The following CLEC19A variants were observed in gnomAD, a reference collection of about 807,000 sequenced individuals.
The protein encoded by CLEC19A is C-type lectin domain family 19 member A.
A neutral mutation model predicts 26.1 loss-of-function variants in CLEC19A; 21 were observed. The observed-to-expected ratio is 0.80, with a 90% CI of 0.57 to 1.16. The LOEUF (loss-of-function observed/expected upper bound fraction) is 1.16, where lower values mean the gene tolerates loss of function less well. CLEC19A is among the 50% of genes most tolerant of loss of function. CLEC19A has a pLI of 0.00. For synonymous variants in CLEC19A, 89 were observed against 88.6 expected, an observed-to-expected ratio of 1.00 and a Z score of -0.03; for missense variants, 224 against 227.6, an observed-to-expected ratio of 0.98 and a Z score of 0.10.
Position 19,298,763 on chromosome 16 carries a change from C to T in CLEC19A, c.179C>T (p.Thr60Ile). 6.4e-7 allele frequency: 1 copy of T among 1,550,850 alleles called. No homozygotes were observed. The highest frequency in any genetic ancestry group is 1.4e-5 in the African/African-American group (1 of 73,082). ...HCYRFFPLNK[T>I]WAEADLYCSE... ...TATCGATTCTTCCCTCTCAATAAGA[C>T]CTGGGCTGAGGCCGACCTCTACTGT... Residue 60 changes from threonine to isoleucine, a missense_variant, in exon 2 of 5, where the codon ACC (threonine) becomes ATC (isoleucine). Thr to Ile is a moderately conservative substitution (Grantham distance 89, BLOSUM62 -1). Transcript: ENST00000636231.
intron 1 of CLEC19A, among the ~76,000 whole-genome samples, chr16:19,293,270 A>G (rs1241979600): frequency 1.3e-5 from 2 of 152,198 alleles, no homozygotes; most frequent in African/African-American, 2.4e-5. Context: ...GGTAGAGTCA[A>G]TGTAACAGAC....
rs767351080 is a variant in CLEC19A, at chr16:19,307,598, T to G, written c.402T>G (p.Asp134Glu). The change falls in exon 4 of 5, where the codon GAT (aspartate) becomes GAG (glutamate). Residue 134 changes from aspartate (D) to glutamate (E), a missense_variant. Asp to Glu is a conservative substitution (Grantham distance 45). Coordinates refer to ENST00000636231, the MANE Select transcript of CLEC19A (RefSeq NM_001256720.2). ...CATCCTATGACTACAGCTACTGGGATGGCAGCCAGCCAGATGATGGCGTCC... is the reference window on the plus strand; with the variant it reads ...CATCCTATGACTACAGCTACTGGGAGGGCAGCCAGCCAGATGATGGCGTCC... ...DGSSYDYSYW[D>E]GSQPDDGVHA... The G allele has an allele frequency of 3.9e-6, 6 of 1,548,340 alleles. No individual in the cohort carries two copies. The highest frequency in any genetic ancestry group is 5.2e-6 in the Non-Finnish European group (6 of 1,146,808).
intron 1 of CLEC19A, among the ~76,000 whole-genome samples, chr16:19,287,699 G>A (rs1897502225): frequency 6.6e-6 from 1 of 152,202 alleles, no homozygotes; most frequent in South Asian, 2.1e-4. Flanking sequence ...TCACTAGCTT[G>A]TGCCCATGGG....
At chr16:19,298,224 A>G (rs1199295554) in intron 1 of CLEC19A, among the ~76,000 whole-genome samples, 1 of 142,754 alleles carries the variant, frequency 7.0e-6, no homozygotes, top group African/African-American at 2.6e-5. Flanking sequence ...CCTGGGCAAC[A>G]TGAGCAAAAA....
At chr16:19,305,874 C>T (rs1308284977) in intron 3 of CLEC19A, among the ~76,000 whole-genome samples, 2 of 151,790 alleles carry the variant, frequency 1.3e-5, no homozygotes, top group Admixed American at 6.6e-5. Context: ...GATGGAATCT[C>T]GCTCTGTCGC....
At chr16:19,308,082 G>A (rs1897994519) in intron 4 of CLEC19A, among the ~76,000 whole-genome samples, 1 of 152,202 alleles carries the variant, frequency 6.6e-6, no homozygotes, top group African/African-American at 2.4e-5. Context: ...GAGGGTGTGG[G>A]TAGTGAGAAG....
Position 19,307,775 on chromosome 16 carries a change from T to A in CLEC19A, c.481+98T>A. On this transcript the variant is annotated intron_variant, in intron 4 of 4. Transcript: ENST00000636231. The stretch of plus-strand genomic sequence containing the variant: ...GCCTTGGGGGAAGAGGAGCACCTGA[T>A]GGCCTGAGACTGGCAAATTGTTCAG... The A allele has an allele frequency of 2.0e-6, 3 of 1,477,618 alleles. No homozygotes were observed. The South Asian group carries it at 3.8e-5, about 19-fold the overall frequency. The allele number at this position is 1,477,618 out of a possible 1,614,324, so 91.5% of individuals were successfully genotyped here. A position where few individuals can be genotyped will look rare whatever the true frequency, so the allele number is the denominator to read the frequency against.
intron 4 of CLEC19A, 28 bp from the exon 5 acceptor site, chr16:19,308,976 C>G (rs955818956): frequency 1.9e-6 from 3 of 1,540,128 alleles, no homozygotes; most frequent in Non-Finnish European, 2.6e-6. Context: ...GGATTTTCAC[C>G]CAGATTCTCT....
At chr16:19,300,152 G>A (rs900825212) in intron 2 of CLEC19A, among the ~76,000 whole-genome samples, 2 of 151,480 alleles carry the variant, frequency 1.3e-5, no homozygotes, top group African/African-American at 4.8e-5. Flanking sequence ...TGAACCCAGG[G>A]GGCAGAAGTT....
chr16:19,288,053 G>A (rs1897509347), intron 1 of CLEC19A, among the ~76,000 whole-genome samples: 1 of 152,132 alleles, frequency 6.6e-6, no homozygotes, highest in African/African-American at 2.4e-5. Context: ...TTTGGAAATG[G>A]AAGGATGGGT....
intron 1 of CLEC19A, among the ~76,000 whole-genome samples, chr16:19,297,303 T>C (rs1188821930): frequency 6.6e-6 from 1 of 152,214 alleles, no homozygotes; most frequent in Non-Finnish European, 1.5e-5. Context: ...AGTCCAGCAT[T>C]GCAAATTGAA....
chr16:19,300,066 A>G (rs1392522267), intron 2 of CLEC19A, among the ~76,000 whole-genome samples: 2 of 152,050 alleles, frequency 1.3e-5, no homozygotes, highest in African/African-American at 4.8e-5. Context: ...TCTACTAAAA[A>G]TACAAAAATT....
intron 2 of CLEC19A, among the ~76,000 whole-genome samples, chr16:19,299,273 A>T (rs921148103): frequency 1.3e-5 from 2 of 152,234 alleles, no homozygotes; most frequent in Non-Finnish European, 2.9e-5. Context: ...AGAATATGAG[A>T]AATCATAACT....
chr16:19,298,790 C>T lies in CLEC19A; in HGVS notation c.206C>T (p.Ser69Phe), dbSNP rs868058184. The T allele has an allele frequency of 9.0e-6, 14 of 1,550,720 alleles. No individual in the cohort carries two copies. The Middle Eastern group carries it at 1.7e-3, about 185-fold the overall frequency. Residue 69 changes from serine (S) to phenylalanine (F), a missense_variant, in exon 2 of 5, where the codon TCT (serine) becomes TTT (phenylalanine). Physicochemically the swap from Ser to Phe is radical, Grantham distance 155. Coordinates refer to ENST00000636231, the MANE Select transcript of CLEC19A (RefSeq NM_001256720.2). The stretch of plus-strand genomic sequence containing the variant: ...TGGGCTGAGGCCGACCTCTACTGTT[C>T]TGAGTTCTCTGTGGGCAGGAAGTCC... ...KTWAEADLYC[S>F]EFSVGRKSAK... is the part of the protein sequence containing the mutation.
intron 1 of CLEC19A, among the ~76,000 whole-genome samples, chr16:19,296,459 A>T (rs1298951772): frequency 6.6e-6 from 1 of 152,320 alleles, no homozygotes; most frequent in South Asian, 2.1e-4. Context: ...CACAATCCAT[A>T]TATCCCAAGT....
chr16:19,292,423 G>C (rs1267454566), intron 1 of CLEC19A, among the ~76,000 whole-genome samples: 2 of 152,196 alleles, frequency 1.3e-5, no homozygotes, highest in Non-Finnish European at 2.9e-5. Context: ...AAAAACTCCA[G>C]GAATGCCATC....
intron 2 of CLEC19A, among the ~76,000 whole-genome samples, chr16:19,302,447 G>A (rs1414292396): frequency 6.6e-6 from 1 of 152,152 alleles, no homozygotes; most frequent in Non-Finnish European, 1.5e-5. Context: ...ACATAGCCCT[G>A]TTTTGAAGTG....
chr16:19,309,678 T>G lies in CLEC19A; in HGVS notation c.*595T>G, dbSNP rs909266147. ...TCTCACTCTGTTGCCCAGGCTGAAGTGCAATGATGCAATCACAGCTCACTG... is the reference window on the plus strand; with the variant it reads ...TCTCACTCTGTTGCCCAGGCTGAAGGGCAATGATGCAATCACAGCTCACTG... On this transcript the variant is annotated 3_prime_UTR_variant, in exon 5 of 5. Transcript: ENST00000636231. 16 of 152,538 alleles carry G rather than the reference T, an allele frequency of 1.0e-4. No homozygotes were observed. Among genetic ancestry groups the G allele is most frequent in the African/African-American group, 3.4e-4 (14 of 41,524 alleles). 9.4% of individuals were successfully genotyped at this position (152,538 alleles called of 1,614,324 possible).
intron 1 of CLEC19A, among the ~76,000 whole-genome samples, chr16:19,295,256 A>T (rs1897683134): frequency 6.6e-6 from 1 of 151,902 alleles, no homozygotes; most frequent in Admixed American, 6.6e-5. Flanking sequence ...TCCAGGCTGG[A>T]TGGAGTGCAG....
Sources: allele counts gnomAD v4.1 joint callset (sites outside exome capture counted in the v4.1 genomes callset), GRCh38; gene constraint gnomAD v4.1.1; transcripts MANE v1.5; gene names NCBI Gene and HGNC (gene_info 2026-07-23, HGNC 2026-07-21).